KDM6A: variants seen among roughly 807,000 people sequenced by gnomAD.
KDM6A encodes the protein lysine-specific demethylase 6A.
Under a neutral mutation model 117.6 loss-of-function variants are expected in KDM6A, and 11 were observed. That is an observed-to-expected ratio of 0.09 (90% CI 0.06 to 0.15). The LOEUF (loss-of-function observed/expected upper bound fraction) is 0.15, where lower values mean the gene tolerates loss of function less well. Among genes scored for constraint, KDM6A ranks in the 10% least tolerant of loss-of-function variants. The pLI is 1.00. For missense variants in KDM6A, 799 were observed against 1,077.3 expected, an observed-to-expected ratio of 0.74 and a Z score of 3.62; for synonymous variants, 384 against 396.1, an observed-to-expected ratio of 0.97 and a Z score of 0.36.
At chrX:44,998,985 T>G (rs1311550261) in intron 4 of KDM6A, among the ~76,000 whole-genome samples, 1 of 111,613 alleles carries the variant, frequency 9.0e-6, no homozygotes, top group Non-Finnish European at 1.9e-5. Flanking sequence ...AACTGAACCT[T>G]ATTATATACG....
At chrX:45,026,566 G>T (rs1413998816) in intron 6 of KDM6A, among the ~76,000 whole-genome samples, 1 of 109,801 alleles carries the variant, frequency 9.1e-6, no homozygotes, top group Non-Finnish European at 1.9e-5. Flanking sequence ...AGTGGCTCAC[G>T]CCTGTAATCC....
chrX:45,040,649 C>T (rs1358861729), intron 8 of KDM6A, among the ~76,000 whole-genome samples: 3 of 85,991 alleles, frequency 3.5e-5, no homozygotes, highest in East Asian at 8.4e-4. Context: ...CCCTCCCGGA[C>T]GGGGCGGCTG....
rs2045514213 is a variant in KDM6A at position 45,083,574 on chromosome X, A to G, written c.3555A>G (p.Gln1185=). ...CCATATTGGGCATGAACACAGTTCA[A>G]CTATACATGAAAGTTCCAGGGAGCA... ...GHTILGMNTV[Q]LYMKVPGSRT... Residue 1185 remains glutamine (Q), a synonymous_variant, in exon 24 of 30, where the codon CAA becomes CAG. Transcript: ENST00000611820. 2 of 1,209,819 alleles carry G rather than the reference A, an allele frequency of 1.7e-6. No individual in the cohort carries two copies. The highest frequency in any genetic ancestry group is 1.1e-6 in the Non-Finnish European group (1 of 893,487).
At chrX:44,912,119 GCT>G (rs2035240805) in intron 2 of KDM6A, among the ~76,000 whole-genome samples, 1 of 110,122 alleles carries the variant, frequency 9.1e-6, no homozygotes, top group Non-Finnish European at 1.9e-5. Context: ...ACGAAGCCTT[GCT>G]CTCGTTGCCC....
At chrX:45,073,015 C>T (rs2044932208) in intron 18 of KDM6A, among the ~76,000 whole-genome samples, 1 of 109,520 alleles carries the variant, frequency 9.1e-6, no homozygotes, top group Non-Finnish European at 1.9e-5. Context: ...AATGCTATCC[C>T]TCCCCCTGCC....
At chrX:44,996,865 G>A (rs2040883768) in intron 4 of KDM6A, among the ~76,000 whole-genome samples, 1 of 111,772 alleles carries the variant, frequency 8.9e-6, no homozygotes, top group African/African-American at 3.3e-5. Flanking sequence ...TCATATTCTA[G>A]TGGAGGAGAT....
intron 2 of KDM6A, among the ~76,000 whole-genome samples, chrX:44,903,251 G>A (rs189882566): frequency 2.6e-3 from 288 of 112,053 alleles, no homozygotes; most frequent in African/African-American, 8.9e-3. Flanking sequence ...GCTGAATCTA[G>A]AATTCTTGGT....
At chrX:44,938,383 C>T (rs2037100510) in intron 2 of KDM6A, among the ~76,000 whole-genome samples, 1 of 111,882 alleles carries the variant, frequency 8.9e-6, no homozygotes, top group South Asian at 3.7e-4. Flanking sequence ...TCGAACCAGC[C>T]CCACAGCATT....
intron 2 of KDM6A, among the ~76,000 whole-genome samples, chrX:44,928,583 T>C (rs1300136299): frequency 8.9e-6 from 1 of 112,278 alleles, no homozygotes; most frequent in Non-Finnish European, 1.9e-5. Context: ...GTTTACATTT[T>C]GTAAAAGCAG....
At chrX:45,048,811 G>C (rs1293171250) in intron 8 of KDM6A, among the ~76,000 whole-genome samples, 1 of 109,789 alleles carries the variant, frequency 9.1e-6, no homozygotes, top group African/African-American at 3.4e-5. Context: ...AGAATGTGAA[G>C]CTGTGTGTGG....
intron 8 of KDM6A, among the ~76,000 whole-genome samples, chrX:45,040,800 G>T (rs1402020980): frequency 2.4e-5 from 2 of 84,074 alleles, no homozygotes. Context: ...CTCCCGGACG[G>T]GGCGGCTGGC....
intron 3 of KDM6A, among the ~76,000 whole-genome samples, chrX:44,968,927 G>GCCATTGCACT (rs1309744841): frequency 2.0e-5 from 2 of 102,403 alleles, no homozygotes; most frequent in Admixed American, 2.2e-4. Context: ...CTGAGATCAC[G>GCCATTGCACT]CCATTGCACT....
intron 3 of KDM6A, among the ~76,000 whole-genome samples, chrX:44,973,509 A>C (rs887012407): frequency 1.8e-5 from 2 of 111,615 alleles, no homozygotes; most frequent in African/African-American, 3.3e-5. Context: ...AGATCGCTTG[A>C]CTGGATATAT....
At chrX:45,097,304 A>G (rs2046150008) in intron 27 of KDM6A, among the ~76,000 whole-genome samples, 1 of 111,078 alleles carries the variant, frequency 9.0e-6, no homozygotes, top group Non-Finnish European at 1.9e-5. Flanking sequence ...AACCCCCATG[A>G]CACAAGCTTA....
intron 2 of KDM6A, among the ~76,000 whole-genome samples, chrX:44,883,282 A>G (rs1238943794): frequency 9.1e-6 from 1 of 110,200 alleles, no homozygotes; most frequent in Non-Finnish European, 1.9e-5. Context: ...TGTTGCCCAG[A>G]CTGGTCTCTA....
In KDM6A at chrX:45,070,340, A is replaced by C; in HGVS notation, c.2841A>C (p.Glu947Asp). The C allele has an allele frequency of 2.5e-6, 3 of 1,210,425 alleles. No individual in the cohort carries two copies. The highest frequency in any genetic ancestry group is 3.4e-6 in the Non-Finnish European group (3 of 894,289). Residue 947 changes from glutamate to aspartate, a missense_variant, in exon 18 of 30, where the codon GAA becomes GAC. Physicochemically the swap from Glu to Asp is conservative, Grantham distance 45. This residue lies in a region of KDM6A where 291 missense variants were observed against 437.9 expected (regional missense o/e 0.66). Coordinates refer to ENST00000611820, the MANE Select transcript of KDM6A (RefSeq NM_001291415.2). The stretch of plus-strand genomic sequence containing the variant: ...TGTCCATATACCCCAGCTCAGCAGA[A>C]GTTCTGAAGGCATGCAGGTTAGTGT... ...MSVSIYPSSA[E>D]VLKACRNLGK...
chrX:45,020,676 T>C lies in KDM6A; in HGVS notation c.510T>C (p.His170=). ...GCTTTTGTCGAGCCAAGGAAATTCA[T>C]TTACGACTTGGGCTTATGTTCAAAG... The part of the protein sequence containing the change: ...DPSFCRAKEI[H]LRLGLMFKVN... The change falls in exon 6 of 30, where the codon CAT becomes CAC. Residue 170 remains histidine (H), a synonymous_variant. Coordinates refer to ENST00000611820, the MANE Select transcript of KDM6A (RefSeq NM_001291415.2). The C allele has an allele frequency of 2.5e-6, 3 of 1,209,811 alleles. No homozygotes were observed. The East Asian group carries it at 8.9e-5, about 36-fold the overall frequency.
At position 45,063,526 on chromosome X, in the gene KDM6A, G is replaced by T. The variant is rs2147992234; in HGVS notation, c.1788G>T (p.Gln596His). The T allele has an allele frequency of 8.3e-7, 1 of 1,211,667 alleles. No individual in the cohort carries two copies. The highest frequency in any genetic ancestry group is 1.1e-6 in the Non-Finnish European group (1 of 895,505). ...PTNSVSGQQP[Q>H]LALTRVPSVS... Reference sequence around the variant, plus strand: ...ACTCAGTCTCTGGCCAGCAGCCACAGCTTGCTCTGACCAGAGTGCCTAGCG... The same window carrying T: ...ACTCAGTCTCTGGCCAGCAGCCACATCTTGCTCTGACCAGAGTGCCTAGCG... The change falls in exon 17 of 30, where the codon CAG (glutamine) becomes CAT (histidine). Residue 596 changes from glutamine to histidine, a missense_variant. By Grantham distance (24) the Gln-to-His change is conservative. This residue lies in a region of KDM6A where 301 missense variants were observed against 318.3 expected (regional missense o/e 0.95). Transcript: ENST00000611820.
chrX:44,911,362 G>A (rs1172776199), intron 2 of KDM6A, among the ~76,000 whole-genome samples: 2 of 108,003 alleles, frequency 1.9e-5, no homozygotes, highest in African/African-American at 3.4e-5. Context: ...GGGTGGCCGG[G>A]CAGAGACGCT....
Sources: allele counts gnomAD v4.1 joint callset (sites outside exome capture counted in the v4.1 genomes callset), GRCh38; gene constraint gnomAD v4.1.1; regional missense constraint gnomAD v4.1.1; transcripts MANE v1.5; gene names NCBI Gene and HGNC (gene_info 2026-07-23, HGNC 2026-07-21).